GNG7: variants seen among roughly 807,000 people sequenced by gnomAD.
GNG7 encodes the protein guanine nucleotide-binding protein G(I)/G(S)/G(O) subunit gamma-7.
GNG7 carries 1 observed loss-of-function variant against 4.0 expected under a neutral mutation model. The ratio of observed to expected loss-of-function variants is 0.25; its 90% CI spans 0.09 to 1.18. The LOEUF (loss-of-function observed/expected upper bound fraction) is 1.18. Ranked by LOEUF, GNG7 falls within the 50% of genes most tolerant of loss-of-function variation. The pLI is 0.50. For synonymous variants in GNG7, 34 were observed against 36.9 expected (o/e 0.92, Z 0.29); for missense variants, 86 against 91.9 (o/e 0.94, Z 0.26).
chr19:2,685,781 C>T (rs1219558106), intron 1 of GNG7, among the ~76,000 whole-genome samples: 1 of 152,154 alleles, frequency 6.6e-6, no homozygotes, highest in African/African-American at 2.4e-5. Context: ...TGTCCTCCTC[C>T]CGAGACGAGG....
At chr19:2,630,652 G>C (rs1000410862) in intron 2 of GNG7, 3 of 151,956 alleles carry the variant, frequency 2.0e-5, no homozygotes, top group African/African-American at 2.4e-5. Flanking sequence ...GAATGAGCTT[G>C]GAAGGGGATC....
intron 2 of GNG7, among the ~76,000 whole-genome samples, chr19:2,605,026 G>A: frequency 6.6e-6 from 1 of 152,168 alleles, no homozygotes; most frequent in East Asian, 1.9e-4. Context: ...CTGGAGGTCA[G>A]AAATCTAGAT....
chr19:2,576,126 GACAC>G (rs1021889987), intron 2 of GNG7, among the ~76,000 whole-genome samples: 1 of 152,158 alleles, frequency 6.6e-6, no homozygotes, highest in Non-Finnish European at 1.5e-5. Flanking sequence ...GATGCATGCA[GACAC>G]ACACAGACAC....
At chr19:2,686,525 G>A (rs1461492400) in intron 1 of GNG7, among the ~76,000 whole-genome samples, 1 of 152,118 alleles carries the variant, frequency 6.6e-6, no homozygotes, top group South Asian at 2.1e-4. Flanking sequence ...CCCGGTGCCT[G>A]CTTGCTTCAG....
intron 2 of GNG7, among the ~76,000 whole-genome samples, chr19:2,621,058 C>T (rs1337889073): frequency 6.6e-6 from 1 of 152,100 alleles, no homozygotes. Flanking sequence ...CTTTCCTTAG[C>T]ACAGCGCCTT....
intron 1 of GNG7, among the ~76,000 whole-genome samples, chr19:2,670,372 A>T (rs998064983): frequency 6.6e-6 from 1 of 152,076 alleles, no homozygotes; most frequent in Non-Finnish European, 1.5e-5. Flanking sequence ...CCGTGCTGTC[A>T]CCTCGACCCC....
rs796432059 is a variant in GNG7, at chr19:2,661,270, AAAAGAAAGAAAG to A, written c.-134-15002_-134-14991del. ...AAAAGAAAGAAAGAAAGAAAGAAAG[AAAAGAAAGAAAG>A]AAAGAAAGAAAGAAAGAAAGAGAAA... On this transcript the variant is annotated intron_variant, in intron 1 of 4. Coordinates refer to ENST00000382159, the MANE Select transcript of GNG7 (RefSeq NM_052847.3). Among the ~76,000 whole-genome samples, 14 of 70,912 alleles carry A rather than the reference AAAAGAAAGAAAG, an allele frequency of 2.0e-4. 1 individual carries two copies. The highest frequency in any genetic ancestry group is 3.9e-4 in the African/African-American group (6 of 15,424). The allele number at this position is 70,912 out of a possible 152,430, so 46.5% of individuals were successfully genotyped here.
intron 3 of GNG7, among the ~76,000 whole-genome samples, chr19:2,551,217 C>T (rs1168233363): frequency 2.0e-5 from 3 of 152,200 alleles, no homozygotes; most frequent in African/African-American, 7.2e-5. Context: ...GTTTGACCTC[C>T]AGCAAAGGAG....
chr19:2,608,134 C>T (rs1380619152), intron 2 of GNG7, among the ~76,000 whole-genome samples: 2 of 150,274 alleles, frequency 1.3e-5, no homozygotes, highest in African/African-American at 5.0e-5. Context: ...CTGAGGTCGC[C>T]GCCCTGCCAC....
intron 2 of GNG7, among the ~76,000 whole-genome samples, chr19:2,599,941 A>C (rs1981149729): frequency 6.6e-6 from 1 of 152,042 alleles, no homozygotes; most frequent in African/African-American, 2.4e-5. Flanking sequence ...CATCTCAAAA[A>C]AAAAAAAAAA....
chr19:2,518,203 C>G (rs553001965), intron 4 of GNG7, among the ~76,000 whole-genome samples: 1 of 151,708 alleles, frequency 6.6e-6, no homozygotes, highest in East Asian at 2.0e-4. Flanking sequence ...GATGTAAAAC[C>G]TCAGGCGGGA....
intron 2 of GNG7, among the ~76,000 whole-genome samples, chr19:2,572,408 A>G (rs575872076): frequency 3.4e-4 from 52 of 152,076 alleles, no homozygotes; most frequent in Admixed American, 2.1e-3. Context: ...CTGTGCAACC[A>G]TCAACACTAC....
At chr19:2,687,171 C>T (rs567974251) in intron 1 of GNG7, among the ~76,000 whole-genome samples, 1 of 152,162 alleles carries the variant, frequency 6.6e-6, no homozygotes, top group South Asian at 2.1e-4. Flanking sequence ...GACCCTCCTG[C>T]CTCGGACTCC....
chr19:2,627,282 T>TG (rs1338184446), intron 2 of GNG7, among the ~76,000 whole-genome samples: 2 of 151,470 alleles, frequency 1.3e-5, no homozygotes, highest in Non-Finnish European at 2.9e-5. Flanking sequence ...CCAGGGACAC[T>TG]GTCAGCACCC....
At chr19:2,586,971 C>T (rs920026286) in intron 2 of GNG7, among the ~76,000 whole-genome samples, 5 of 112,020 alleles carry the variant, frequency 4.5e-5, no homozygotes, top group East Asian at 2.8e-4. Context: ...GGTGACAGAG[C>T]GGGACTCCAT....
chr19:2,549,887 A>G (rs1979260430), intron 3 of GNG7, among the ~76,000 whole-genome samples: 1 of 152,192 alleles, frequency 6.6e-6, no homozygotes, highest in African/African-American at 2.4e-5. Context: ...TTTTGATGAC[A>G]CGCATGGAAT....
chr19:2,524,479 T>C (rs4807289), intron 3 of GNG7, among the ~76,000 whole-genome samples: 77,825 of 152,072 alleles, frequency 0.51, 20,352 homozygotes, highest in East Asian at 0.7. Context: ...CATGTATGTG[T>C]GTATGTGTAT....
intron 3 of GNG7, among the ~76,000 whole-genome samples, chr19:2,545,366 G>A (rs914877491): frequency 6.6e-6 from 1 of 152,078 alleles, no homozygotes; most frequent in Non-Finnish European, 1.5e-5. Flanking sequence ...TGCACACATA[G>A]GCCGGGCACG....
At chr19:2,537,770 G>A (rs1363673783) in intron 3 of GNG7, among the ~76,000 whole-genome samples, 2 of 152,042 alleles carry the variant, frequency 1.3e-5, no homozygotes, top group Non-Finnish European at 2.9e-5. Flanking sequence ...GGGCTGACAA[G>A]AAATTATGAA....
Sources: gnomAD v4.1 joint callset for allele counts (sites outside exome capture counted in the v4.1 genomes callset) on GRCh38, gnomAD v4.1.1 for gene constraint, MANE v1.5 for transcripts, NCBI Gene and HGNC (gene_info 2026-07-23, HGNC 2026-07-21) for gene names.